MYO1D: variants seen among roughly 807,000 people sequenced by gnomAD.
The protein encoded by MYO1D is unconventional myosin-Id.
Under a neutral mutation model 122.0 loss-of-function variants are expected in MYO1D, and 83 were observed. That is an observed-to-expected ratio of 0.68 (90% confidence interval 0.57 to 0.82). The LOEUF (loss-of-function observed/expected upper bound fraction) is 0.82. MYO1D is among the 40% of genes least tolerant of loss of function. The pLI is 0.00. For synonymous variants in MYO1D, 464 were observed against 446.9 expected (o/e 1.04, Z -0.48); for missense variants, 1,157 against 1,269.5 (o/e 0.91, Z 1.35).
chr17:32,806,219 C>T (rs998978781), intron 1 of MYO1D, among the ~76,000 whole-genome samples: 2 of 152,172 alleles, frequency 1.3e-5, no homozygotes, highest in Non-Finnish European at 2.9e-5. Context: ...GATCACGCCA[C>T]TGCACTCCAG....
rs370832683 is a variant in MYO1D, at chr17:32,721,114, G to A, written c.1822C>T (p.His608Tyr). ...AGTAGTCCAAGATATTCTACTTGGT[G>A]CCGGCAGCGTTCATCATCAAATATC... Reference protein sequence around the residue: ...PQIFDDERCRHQVEYLGLLEN... With the variant: ...PQIFDDERCRYQVEYLGLLEN... The change falls in exon 15 of 22, where the codon CAC becomes TAC. Residue 608 changes from histidine (H) to tyrosine (Y), a missense_variant. Coordinates refer to ENST00000318217, the MANE Select transcript of MYO1D (RefSeq NM_015194.3). The A allele has an allele frequency of 3.1e-6, 5 of 1,613,954 alleles. No homozygotes were observed. Among genetic ancestry groups the A allele is most frequent in the Non-Finnish European group, 4.2e-6 (5 of 1,179,984 alleles).
At chr17:32,860,936 A>T (rs2091067712) in intron 1 of MYO1D, among the ~76,000 whole-genome samples, 1 of 152,158 alleles carries the variant, frequency 6.6e-6, no homozygotes. Flanking sequence ...CCCTCAAATC[A>T]GTGTTAGCCC....
intron 14 of MYO1D, among the ~76,000 whole-genome samples, chr17:32,736,502 C>T (rs1169170238): frequency 2.0e-5 from 3 of 152,032 alleles, no homozygotes; most frequent in Non-Finnish European, 4.4e-5. Flanking sequence ...TCTCTAATAA[C>T]TTTGGAGCTG....
chr17:32,831,011 A>T (rs995066519), intron 1 of MYO1D, among the ~76,000 whole-genome samples: 2 of 152,174 alleles, frequency 1.3e-5, no homozygotes, highest in East Asian at 3.9e-4. Context: ...AGCTGAGATC[A>T]TGCCACTGCA....
intron 1 of MYO1D, among the ~76,000 whole-genome samples, chr17:32,849,101 A>T (rs1567671003): frequency 6.6e-6 from 1 of 152,162 alleles, no homozygotes; most frequent in Non-Finnish European, 1.5e-5. Context: ...AATGCAAATC[A>T]AAACCACTAT....
intron 1 of MYO1D, among the ~76,000 whole-genome samples, chr17:32,854,939 T>C (rs2091015853): frequency 6.6e-6 from 1 of 152,196 alleles, no homozygotes; most frequent in Admixed American, 6.5e-5. Context: ...TGTGTATGTG[T>C]ACATGTGTGA....
intron 21 of MYO1D, among the ~76,000 whole-genome samples, chr17:32,559,802 CATT>C (rs2087101314): frequency 6.6e-6 from 1 of 152,140 alleles, no homozygotes; most frequent in Admixed American, 6.5e-5. Context: ...TGATATCTAT[CATT>C]AATTTTTTGT....
intron 1 of MYO1D, among the ~76,000 whole-genome samples, chr17:32,789,012 TG>T (rs975913957): frequency 1.7e-5 from 2 of 119,668 alleles, no homozygotes; most frequent in Admixed American, 8.2e-5. Flanking sequence ...TGTTTTGTTT[TG>T]TTTTTTTAGC....
chr17:32,583,445 A>G (rs1375083453), intron 21 of MYO1D, among the ~76,000 whole-genome samples: 1 of 152,048 alleles, frequency 6.6e-6, no homozygotes, highest in Non-Finnish European at 1.5e-5. Flanking sequence ...TTCAGCCATT[A>G]TTTCTTCAAG....
intron 1 of MYO1D, among the ~76,000 whole-genome samples, chr17:32,802,803 G>A (rs886623858): frequency 2.6e-5 from 4 of 152,076 alleles, no homozygotes; most frequent in Non-Finnish European, 5.9e-5. Context: ...CTATTTCTGT[G>A]ATCAACCAAC....
chr17:32,876,011 T>C (rs151299582), intron 1 of MYO1D, among the ~76,000 whole-genome samples: 61 of 152,318 alleles, frequency 4.0e-4, no homozygotes, highest in African/African-American at 1.3e-3. Flanking sequence ...TTTTGGGGCG[T>C]TGAGTTGTGA....
At chr17:32,833,512 C>T (rs1310304940) in intron 1 of MYO1D, among the ~76,000 whole-genome samples, 1 of 152,182 alleles carries the variant, frequency 6.6e-6, no homozygotes, top group African/African-American at 2.4e-5. Flanking sequence ...CGGAGTAATT[C>T]CGTTAACATG....
At chr17:32,621,065 T>C (rs1000106237) in intron 20 of MYO1D, among the ~76,000 whole-genome samples, 5 of 152,194 alleles carry the variant, frequency 3.3e-5, no homozygotes, top group African/African-American at 1.2e-4. Flanking sequence ...AAATCTTATA[T>C]ACATAACCTG....
intron 20 of MYO1D, among the ~76,000 whole-genome samples, chr17:32,621,516 G>A (rs1376770475): frequency 6.6e-6 from 1 of 152,032 alleles, no homozygotes; most frequent in African/African-American, 2.4e-5. Flanking sequence ...AGCTATGGAT[G>A]GATTAAAAAG....
intron 20 of MYO1D, among the ~76,000 whole-genome samples, chr17:32,634,299 A>G (rs1489568372): frequency 6.6e-6 from 1 of 152,196 alleles, no homozygotes; most frequent in Admixed American, 6.5e-5. Context: ...TGCAAAAAGC[A>G]ACTCTCAAGA....
chr17:32,821,237 A>G (rs1035899372), intron 1 of MYO1D, among the ~76,000 whole-genome samples: 4 of 152,198 alleles, frequency 2.6e-5, no homozygotes, highest in Admixed American at 6.5e-5. Context: ...GCAAGTATAT[A>G]TAATTTTTGT....
chr17:32,556,585 A>G (rs909633125), intron 21 of MYO1D, among the ~76,000 whole-genome samples: 1 of 145,430 alleles, frequency 6.9e-6, no homozygotes, highest in Non-Finnish European at 1.5e-5. Context: ...GGATCTTGCT[A>G]TGTGGCTCAG....
chr17:32,717,451 A>G (rs537865303), intron 15 of MYO1D, among the ~76,000 whole-genome samples: 19 of 152,254 alleles, frequency 1.2e-4, no homozygotes, highest in African/African-American at 3.6e-4. Flanking sequence ...TCTTTGCTCA[A>G]TGTTGCTTTT....
intron 1 of MYO1D, among the ~76,000 whole-genome samples, chr17:32,820,869 ACTTTTT>A (rs1317068966): frequency 2.0e-5 from 3 of 152,116 alleles, no homozygotes; most frequent in African/African-American, 4.8e-5. Context: ...CATTCTTCCT[ACTTTTT>A]CTTTAACTTT....
Sources: allele counts gnomAD v4.1 joint callset (sites outside exome capture counted in the v4.1 genomes callset), GRCh38; gene constraint gnomAD v4.1.1; transcripts MANE v1.5; gene names NCBI Gene and HGNC (gene_info 2026-07-23, HGNC 2026-07-21).